The following TEX9 variants were observed in gnomAD, a reference collection of about 807,000 sequenced individuals.
TEX9 encodes testis expressed 9.
A neutral mutation model predicts 59.6 loss-of-function variants in TEX9; 74 were observed. The ratio of observed to expected loss-of-function variants is 1.24; its 90% CI spans 1.03 to 1.51. TEX9 has a LOEUF of 1.51. Ranked by LOEUF, TEX9 falls within the 40% of genes most tolerant of loss-of-function variation. The probability of loss-of-function intolerance (pLI) is 0.00; values close to 1 mark genes in which losing one functional copy is unlikely to be tolerated. For synonymous variants in TEX9, 186 were observed against 152.2 expected (o/e 1.22, Z -1.64); for missense variants, 522 against 447.8 (o/e 1.17, Z -1.49).
chr15:56,313,360 G>T (rs77916480), intron 1 of TEX9, among the ~76,000 whole-genome samples: 4 of 91,354 alleles, frequency 4.4e-5, no homozygotes, highest in Admixed American at 1.3e-4. Flanking sequence ...TAGCATGAAG[G>T]GTTGTTGAAT....
chr15:56,457,730 G>A, the TEX9 span, among the ~76,000 whole-genome samples: 4 of 151,696 alleles, frequency 2.6e-5, no homozygotes, highest in South Asian at 2.1e-4. Flanking sequence ...TAGGAGGACC[G>A]CCGGAGACCA....
the TEX9 span, among the ~76,000 whole-genome samples, chr15:56,458,458 C>G: frequency 6.6e-6 from 1 of 152,116 alleles, no homozygotes; most frequent in East Asian, 1.9e-4. Context: ...ATTACTTAAA[C>G]CTATGCATCA....
intron 1 of TEX9, among the ~76,000 whole-genome samples, chr15:56,345,065 ACATATATATATG>A (rs2046444108): frequency 7.5e-6 from 1 of 134,120 alleles, no homozygotes; most frequent in Non-Finnish European, 1.7e-5. Context: ...ATACACACAC[ACATATATATATG>A]TATATATATA....
At chr15:56,460,009 A>AAAAAAAAAAAATATATATAT in the TEX9 span, among the ~76,000 whole-genome samples, 20 of 26,380 alleles carry the variant, frequency 7.6e-4, 4 homozygotes, top group Admixed American at 1.7e-3. Context: ...AAAAAAAAAA[A>AAAAAAAAAAAATATATATAT]ATACATATAT....
At chr15:56,316,606 T>A (rs2045773228) in intron 1 of TEX9, among the ~76,000 whole-genome samples, 1 of 152,080 alleles carries the variant, frequency 6.6e-6, no homozygotes, top group African/African-American at 2.4e-5. Context: ...TCTTTTTGTT[T>A]GTCTGCGCCC....
chr15:56,451,702 A>G, the TEX9 span, among the ~76,000 whole-genome samples: 1 of 146,384 alleles, frequency 6.8e-6, no homozygotes, highest in African/African-American at 2.5e-5. Flanking sequence ...AACCATATGC[A>G]TTCACAGTAG....
chr15:56,268,693 T>G (rs1199995640), intron 1 of TEX9, among the ~76,000 whole-genome samples: 3 of 151,808 alleles, frequency 2.0e-5, no homozygotes, highest in Admixed American at 2.0e-4. Flanking sequence ...TCTCGGTGGA[T>G]AAGCTTTTTG....
At chr15:56,418,225 G>T (rs575976475) in intron 10 of TEX9, among the ~76,000 whole-genome samples, 2 of 151,806 alleles carry the variant, frequency 1.3e-5, no homozygotes, top group Admixed American at 1.3e-4. Context: ...CTGTTGTGCT[G>T]TTAGCTGGTT....
rs58861460 is a variant in TEX9 at position 56,377,479 on chromosome 15, A to G, written c.183+3975A>G. Among the ~76,000 whole-genome samples the G allele has an allele frequency of 1.7e-3, 258 of 152,122 alleles. 6 individuals are homozygous for G. The East Asian group carries it at 0.041, about 24-fold the overall frequency. On this transcript the variant is annotated intron_variant, in intron 3 of 12. Coordinates refer to ENST00000352903, the Ensembl canonical transcript of TEX9. Reference sequence around the variant, plus strand: ...GTAGAGATCTGTTACTGCTTTGGTTATGTTAACTCCTAGGTATTTTATTTG... The same window carrying G: ...GTAGAGATCTGTTACTGCTTTGGTTGTGTTAACTCCTAGGTATTTTATTTG...
chr15:56,285,844 A>G (rs932321837), intron 1 of TEX9, among the ~76,000 whole-genome samples: 1 of 152,198 alleles, frequency 6.6e-6, no homozygotes, highest in East Asian at 1.9e-4. Context: ...AGAGCAAACT[A>G]AATGACAAGG....
At chr15:56,359,150 G>GT (rs1261392399) in intron 1 of TEX9, among the ~76,000 whole-genome samples, 14 of 152,130 alleles carry the variant, frequency 9.2e-5, no homozygotes, top group African/African-American at 3.4e-4. Context: ...ATTTTGAGGA[G>GT]TATTGGTTGG....
At chr15:56,423,510 TC>T (rs1410766651) in intron 10 of TEX9, among the ~76,000 whole-genome samples, 1 of 152,208 alleles carries the variant, frequency 6.6e-6, no homozygotes, top group African/African-American at 2.4e-5. Flanking sequence ...CTTATTTTTT[TC>T]GTTAACATCT....
chr15:56,305,023 A>T (rs1185018912), intron 1 of TEX9, among the ~76,000 whole-genome samples: 1 of 152,194 alleles, frequency 6.6e-6, no homozygotes, highest in East Asian at 1.9e-4. Context: ...CGAGAATGTA[A>T]CCCCATTTAC....
chr15:56,383,865 G>A, intron 3 of TEX9, 87 bp from the exon 4 acceptor site: 1 of 908,676 alleles, frequency 1.1e-6, no homozygotes, highest in South Asian at 1.9e-5. Context: ...ATTCTGAAAT[G>A]ATGAATGTTC....
chr15:56,307,088 GA>G (rs2045501835), intron 1 of TEX9, among the ~76,000 whole-genome samples: 1 of 152,112 alleles, frequency 6.6e-6, no homozygotes, highest in Admixed American at 6.5e-5. Flanking sequence ...TTCCTGGGGG[GA>G]AAATGACTAA....
chr15:56,428,419 A>T (rs575305415), exon 12 of TEX9: 1 of 1,612,110 alleles, frequency 6.2e-7, no homozygotes, highest in Admixed American at 1.7e-5. Flanking sequence ...GAATTTATGA[A>T]AGCACTTGAA....
intron 12 of TEX9, chr15:56,428,773 AAAGTT>A: frequency 2.8e-6 from 1 of 352,136 alleles, no homozygotes; most frequent in Non-Finnish European, 5.1e-6. Flanking sequence ...TCAAGTAAGT[AAAGTT>A]CGTAAACACA....
At chr15:56,321,489 T>A (rs1456892914) in intron 1 of TEX9, among the ~76,000 whole-genome samples, 1 of 152,196 alleles carries the variant, frequency 6.6e-6, no homozygotes. Flanking sequence ...CTTTGGACTT[T>A]GGTAAATCCA....
intron 12 of TEX9, chr15:56,428,873 T>A (rs1328343990): frequency 4.2e-6 from 2 of 476,652 alleles, no homozygotes. Context: ...CAAACAGTGC[T>A]CTGTAGTGTT....
Sources: allele counts gnomAD v4.1 joint callset (sites outside exome capture counted in the v4.1 genomes callset), GRCh38; gene constraint gnomAD v4.1.1; transcripts MANE v1.5; gene names NCBI Gene and HGNC (gene_info 2026-07-23, HGNC 2026-07-21).